TET3: variants seen among roughly 807,000 people sequenced by gnomAD.
TET3 encodes the protein methylcytosine dioxygenase TET3.
TET3 carries 19 observed loss-of-function variants against 141.4 expected under a neutral mutation model. The ratio of observed to expected loss-of-function variants is 0.13; its 90% CI spans 0.09 to 0.20. The LOEUF (loss-of-function observed/expected upper bound fraction) is 0.20, where lower values mean the gene tolerates loss of function less well. Ranked by LOEUF, TET3 falls within the 10% of genes least tolerant of loss-of-function variation. The pLI is 1.00. For synonymous variants in TET3, 1,043 were observed against 980.9 expected (o/e 1.06, Z -1.18); for missense variants, 1,874 against 2,356.9 (o/e 0.80, Z 4.24).
At chr2:74,013,557 C>T (rs1685577137) in intron 3 of TET3, among the ~76,000 whole-genome samples, 1 of 151,946 alleles carries the variant, frequency 6.6e-6, no homozygotes, top group Non-Finnish European at 1.5e-5. Flanking sequence ...CGCCTGTAAT[C>T]CCAGCTCTTT....
the TET3 span, among the ~76,000 whole-genome samples, chr2:74,120,148 G>A: frequency 6.6e-6 from 1 of 152,220 alleles, no homozygotes; most frequent in Non-Finnish European, 1.5e-5. Flanking sequence ...GGGTGCTCCC[G>A]GAAGGACGCT....
intron 3 of TET3, among the ~76,000 whole-genome samples, chr2:74,026,801 C>G (rs1025409305): frequency 1.3e-5 from 2 of 149,688 alleles, no homozygotes; most frequent in Non-Finnish European, 2.9e-5. Flanking sequence ...GTGACTCTAC[C>G]CAGGGAATCA....
chr2:73,987,656 C>T (rs981181406), intron 2 of TET3, among the ~76,000 whole-genome samples: 1 of 152,326 alleles, frequency 6.6e-6, no homozygotes, highest in African/African-American at 2.4e-5. Flanking sequence ...CGGAGGCCTG[C>T]GCTGTCTTCG....
rs1691270520 is a variant in TET3, at chr2:74,102,289, T to C, written c.*113T>C. The C allele has an allele frequency of 4.6e-6, 6 of 1,310,258 alleles. No homozygotes were observed. The highest frequency in any genetic ancestry group is 4.9e-6 in the Non-Finnish European group (5 of 1,030,590). 81.2% of individuals were successfully genotyped at this position (1,310,258 alleles called of 1,614,324 possible). A position where few individuals can be genotyped will look rare whatever the true frequency, so the allele number is the denominator to read the frequency against. ...GGGTGCAGAAGTCTTTTTATCTCTA[T>C]ATACATATATAGATGCGCATATCAT... On this transcript the variant is annotated 3_prime_UTR_variant, in exon 12 of 12. Transcript: ENST00000409262.
chr2:74,108,776 A>G (rs1292782012), downstream of TET3, among the ~76,000 whole-genome samples: 1 of 152,192 alleles, frequency 6.6e-6, no homozygotes, highest in Non-Finnish European at 1.5e-5. Flanking sequence ...TTCCTCCTGC[A>G]TGAAACATCT....
Position 74,047,801 on chromosome 2 carries a change from C to T in TET3, c.1884C>T (p.Val628=). 1 of 1,613,584 alleles carries T rather than the reference C, an allele frequency of 6.2e-7. No individual in the cohort carries two copies. The highest frequency in any genetic ancestry group is 8.5e-7 in the Non-Finnish European group (1 of 1,179,718). ...QPLFPPVRQI[V]LEGLRSPASQ... The stretch of plus-strand genomic sequence containing the variant: ...TCTTCCCACCTGTCCGACAGATTGT[C>T]CTGGAAGGGCTTAGGTCCCCAGCCT... Residue 628 remains valine (V), a synonymous_variant, in exon 4 of 12, where the codon GTC becomes GTT. Transcript: ENST00000409262.
chr2:74,128,651 A>G, the TET3 span, among the ~76,000 whole-genome samples: 27 of 152,046 alleles, frequency 1.8e-4, no homozygotes, highest in Non-Finnish European at 4.4e-5. Context: ...TAAATGTAGA[A>G]CTGTTCTAAA....
chr2:74,128,947 G>A, the TET3 span, among the ~76,000 whole-genome samples: 2 of 129,298 alleles, frequency 1.5e-5, no homozygotes, highest in Admixed American at 9.0e-5. Context: ...AGTTGTGAAT[G>A]CACAACTGCA....
Position 74,047,875 on chromosome 2 carries a change from G to A in TET3, c.1958G>A (p.Gly653Asp), listed in dbSNP as rs549222166. The change falls in exon 4 of 12, where the codon GGC becomes GAC. Residue 653 changes from glycine to aspartate, a missense_variant. Coordinates refer to ENST00000409262, the MANE Select transcript of TET3 (RefSeq NM_001287491.2). ...CCGGCCCCTCTGCCTGCCTCACAGG[G>A]CTCTGCTGTGCCCCTGCCCCCAGAA... ...HPPAPLPASQGSAVPLPPEPS... is the reference protein window; with the variant it reads ...HPPAPLPASQDSAVPLPPEPS... The A allele has an allele frequency of 1.2e-6, 2 of 1,612,932 alleles. No homozygotes were observed. The highest frequency in any genetic ancestry group is 1.7e-6 in the Non-Finnish European group (2 of 1,179,416).
chr2:74,035,544 T>A (rs1010010736), intron 3 of TET3, among the ~76,000 whole-genome samples: 5 of 150,616 alleles, frequency 3.3e-5, no homozygotes, highest in Non-Finnish European at 4.4e-5. Flanking sequence ...TTGACCAACA[T>A]GGTGAAACCC....
intron 3 of TET3, among the ~76,000 whole-genome samples, chr2:74,006,965 A>G (rs917659944): frequency 5.9e-5 from 9 of 152,136 alleles, no homozygotes; most frequent in African/African-American, 1.9e-4. Context: ...TATTACCCCC[A>G]TCTCTATCTA....
At position 74,046,828 on chromosome 2, in the gene TET3, T is replaced by A; in HGVS notation, c.911T>A (p.Leu304His). 1.2e-6 allele frequency: 2 copies of A among 1,613,196 alleles called. No individual in the cohort carries two copies. Among genetic ancestry groups the A allele is most frequent in the Non-Finnish European group, 1.7e-6 (2 of 1,179,850 alleles). Residue 304 changes from leucine (L) to histidine (H), a missense_variant, in exon 4 of 12, where the codon CTC becomes CAC. Coordinates refer to ENST00000409262, the MANE Select transcript of TET3 (RefSeq NM_001287491.2). The surrounding 1 kb of genome is among the most constrained non-coding windows in gnomAD (Gnocchi z 4.3). ...VMEGGEERPR[L>H]PGPLPPGEAG... ...GAAGGAGGGGAGGAGCGGCCCAGGC[T>A]CCCAGGGCCTCTGCCTCCTGGTGAG... is the stretch of plus-strand genomic sequence containing the variant.
intron 3 of TET3, among the ~76,000 whole-genome samples, chr2:74,003,538 C>CG (rs917328206): frequency 1.4e-3 from 9 of 6,542 alleles, no homozygotes; most frequent in East Asian, 5.0e-3. Context: ...GCAGAAATCC[C>CG]GGGGGGGACG....
intron 4 of TET3, among the ~76,000 whole-genome samples, chr2:74,051,213 G>A (rs1051102491): frequency 6.6e-6 from 1 of 152,194 alleles, no homozygotes; most frequent in Non-Finnish European, 1.5e-5. Flanking sequence ...CGGATGAGGA[G>A]CCTCCACCAG....
chr2:74,002,799 G>A, intron 2 of TET3: 2 of 573,872 alleles, frequency 3.5e-6, no homozygotes, highest in South Asian at 4.3e-5. Context: ...GAGGCCGGCC[G>A]AGGTAGAGCG....
At chr2:74,017,421 C>A (rs2105223808) in intron 3 of TET3, among the ~76,000 whole-genome samples, 1 of 152,302 alleles carries the variant, frequency 6.6e-6, no homozygotes, top group South Asian at 2.1e-4. Context: ...CTCTGATAAC[C>A]ACTGTTCTTC....
the TET3 span, among the ~76,000 whole-genome samples, chr2:74,126,149 C>T: frequency 1.3e-5 from 2 of 151,856 alleles, no homozygotes; most frequent in Non-Finnish European, 2.9e-5. Flanking sequence ...TCTATTTGAT[C>T]CCATAGAGCC....
chr2:74,069,133 G>T (rs765566856), intron 4 of TET3, among the ~76,000 whole-genome samples: 1 of 144,662 alleles, frequency 6.9e-6, no homozygotes, highest in Non-Finnish European at 1.5e-5. Context: ...CTTCTAGCAC[G>T]TGTATAGTTT....
At chr2:74,003,473 T>C (rs1408530944) in intron 3 of TET3, among the ~76,000 whole-genome samples, 2 of 135,038 alleles carry the variant, frequency 1.5e-5, no homozygotes, top group African/African-American at 5.6e-5. Flanking sequence ...TCCCCACCCC[T>C]GCCTCTGGAA....
Sources: allele counts gnomAD v4.1 joint callset (sites outside exome capture counted in the v4.1 genomes callset), GRCh38; gene constraint gnomAD v4.1.1; non-coding constraint Gnocchi (gnomAD v3.1); transcripts MANE v1.5; gene names NCBI Gene and HGNC (gene_info 2026-07-23, HGNC 2026-07-21).